NKAIN2: variants seen among roughly 807,000 people sequenced by gnomAD.
NKAIN2 encodes the protein sodium/potassium transporting ATPase interacting 2.
Under a neutral mutation model 32.6 loss-of-function variants are expected in NKAIN2, and 14 were observed. The ratio of observed to expected loss-of-function variants is 0.43; its 90% CI spans 0.28 to 0.67. NKAIN2 has a LOEUF of 0.67. NKAIN2 is among the 30% of genes least tolerant of loss of function. The probability of loss-of-function intolerance (pLI) is 0.17; values close to 1 mark genes in which losing one functional copy is unlikely to be tolerated. For missense variants in NKAIN2, 198 were observed against 258.3 expected (o/e 0.77, Z 1.60); for synonymous variants, 80 against 87.2 (o/e 0.92, Z 0.46).
intron 2 of NKAIN2, among the ~76,000 whole-genome samples, chr6:124,323,904 C>A (rs1175254086): frequency 6.6e-6 from 1 of 151,354 alleles, no homozygotes; most frequent in African/African-American, 2.4e-5. Context: ...TCTCCTGCCT[C>A]AGCCTCCCGA....
At chr6:123,874,477 A>T (rs1199275985) in intron 1 of NKAIN2, among the ~76,000 whole-genome samples, 1 of 152,170 alleles carries the variant, frequency 6.6e-6, no homozygotes, top group African/African-American at 2.4e-5. Flanking sequence ...TGGATATTGC[A>T]CACCATCATT....
At chr6:124,679,041 A>G (rs917760147) in intron 4 of NKAIN2, among the ~76,000 whole-genome samples, 1 of 151,778 alleles carries the variant, frequency 6.6e-6, no homozygotes, top group Non-Finnish European at 1.5e-5. Context: ...TGATCATCAG[A>G]TGCCTAGCTG....
chr6:124,010,570 C>T (rs1389008639), intron 1 of NKAIN2, among the ~76,000 whole-genome samples: 4 of 149,742 alleles, frequency 2.7e-5, no homozygotes, highest in Admixed American at 1.4e-4. Context: ...AGGAGTGTGA[C>T]CTGGGCTCAA....
At chr6:124,072,481 A>G (rs1163431876) in intron 1 of NKAIN2, among the ~76,000 whole-genome samples, 1 of 152,198 alleles carries the variant, frequency 6.6e-6, no homozygotes, top group Non-Finnish European at 1.5e-5. Flanking sequence ...AATTATTTTA[A>G]AAAATAACAT....
At chr6:124,034,279 TCTCC>T (rs1781518751) in intron 1 of NKAIN2, among the ~76,000 whole-genome samples, 1 of 151,914 alleles carries the variant, frequency 6.6e-6, no homozygotes, top group African/African-American at 2.4e-5. Flanking sequence ...CTCTTGCCCT[TCTCC>T]CTCCCTCCCT....
intron 5 of NKAIN2, among the ~76,000 whole-genome samples, chr6:124,792,985 A>G (rs547598857): frequency 4.6e-5 from 7 of 152,292 alleles, no homozygotes; most frequent in Admixed American, 3.9e-4. Context: ...GCATCATTAT[A>G]AAGAAGAGAC....
intron 3 of NKAIN2, among the ~76,000 whole-genome samples, chr6:124,466,819 A>G (rs940398194): frequency 5.9e-5 from 9 of 152,040 alleles, no homozygotes; most frequent in Admixed American, 5.9e-4. Context: ...TGTCTATGAA[A>G]ATGTTCAATG....
intron 1 of NKAIN2, among the ~76,000 whole-genome samples, chr6:123,977,402 C>G (rs1195895965): frequency 2.0e-5 from 3 of 151,988 alleles, no homozygotes; most frequent in Non-Finnish European, 2.9e-5. Context: ...CAGAGTGAAA[C>G]CTTGACTTTA....
chr6:123,870,752 A>G (rs1772828065), intron 1 of NKAIN2, among the ~76,000 whole-genome samples: 1 of 152,166 alleles, frequency 6.6e-6, no homozygotes, highest in Admixed American at 6.5e-5. Flanking sequence ...AGGCAGCTAT[A>G]GTGAAAAATA....
intron 1 of NKAIN2, among the ~76,000 whole-genome samples, chr6:123,985,839 T>TCAATCTCCC (rs1562293196): frequency 6.6e-6 from 1 of 152,124 alleles, no homozygotes. Flanking sequence ...AGAGAAGGAA[T>TCAATCTCCC]ACTTAACCAG....
chr6:124,539,804 TC>T (rs1279965816), intron 3 of NKAIN2, among the ~76,000 whole-genome samples: 3 of 152,120 alleles, frequency 2.0e-5, no homozygotes, highest in African/African-American at 7.2e-5. Context: ...CACTGCAACC[TC>T]CGCCTCCTGG....
intron 3 of NKAIN2, among the ~76,000 whole-genome samples, chr6:124,409,179 G>C (rs563905825): frequency 1.3e-5 from 2 of 152,026 alleles, no homozygotes; most frequent in East Asian, 1.9e-4. Context: ...ACTGAATGCC[G>C]TTTATTTCCT....
chr6:124,253,443 G>T (rs1026251865), intron 1 of NKAIN2, among the ~76,000 whole-genome samples: 1 of 152,052 alleles, frequency 6.6e-6, no homozygotes, highest in African/African-American at 2.4e-5. Context: ...CATATGAAGG[G>T]ATTAAAAAAT....
chr6:123,868,079 A>G lies in NKAIN2; in HGVS notation c.54+63825A>G, dbSNP rs192214252. Among the ~76,000 whole-genome samples, 1,297 of 152,186 alleles carry G rather than the reference A, an allele frequency of 8.5e-3. 4 individuals are homozygous for G. Among genetic ancestry groups the G allele is most frequent in the Non-Finnish European group, 0.013 (909 of 68,006 alleles). ...GAGACAGGGTTTCACTGTGTTAGCC[A>G]GGATGGTCTTGATCTCCTGACCTTG... On this transcript the variant is annotated intron_variant, in intron 1 of 6. Coordinates refer to ENST00000368417, the MANE Select transcript of NKAIN2 (RefSeq NM_001040214.3).
intron 1 of NKAIN2, among the ~76,000 whole-genome samples, chr6:123,929,543 CTT>C (rs1776158408): frequency 6.6e-6 from 1 of 152,076 alleles, no homozygotes; most frequent in South Asian, 2.1e-4. Flanking sequence ...CATGTTCATG[CTT>C]AAACCAAGTC....
chr6:124,713,038 A>C (rs1775579101), intron 4 of NKAIN2, among the ~76,000 whole-genome samples: 1 of 152,120 alleles, frequency 6.6e-6, no homozygotes, highest in Admixed American at 6.5e-5. Flanking sequence ...GAGCATAACT[A>C]ATATGTTGAA....
chr6:124,601,279 G>T (rs1429635677), intron 3 of NKAIN2, among the ~76,000 whole-genome samples: 1 of 151,988 alleles, frequency 6.6e-6, no homozygotes, highest in African/African-American at 2.4e-5. Flanking sequence ...TGGAAAGAAT[G>T]CCCTCTAATG....
chr6:123,955,980 A>G (rs1582838990), intron 1 of NKAIN2, among the ~76,000 whole-genome samples: 1 of 152,146 alleles, frequency 6.6e-6, no homozygotes, highest in South Asian at 2.1e-4. Flanking sequence ...ACTTTATGTA[A>G]TTACGTGTAA....
At chr6:124,451,576 A>G (rs1200896980) in intron 3 of NKAIN2, among the ~76,000 whole-genome samples, 1 of 152,138 alleles carries the variant, frequency 6.6e-6, no homozygotes, top group Admixed American at 6.5e-5. Flanking sequence ...GAGACCAATT[A>G]TGATTTATAC....
Sources: allele counts gnomAD v4.1 joint callset (sites outside exome capture counted in the v4.1 genomes callset), GRCh38; gene constraint gnomAD v4.1.1; transcripts MANE v1.5; gene names NCBI Gene and HGNC (gene_info 2026-07-23, HGNC 2026-07-21).